Variants in CDH18 observed in about 807,000 individuals in gnomAD.
The protein encoded by CDH18 is cadherin 18, also known as cadherin-18.
A neutral mutation model predicts 67.9 loss-of-function variants in CDH18; 31 were observed. That is an observed-to-expected ratio of 0.46 (90% CI 0.34 to 0.62). The LOEUF (loss-of-function observed/expected upper bound fraction) is 0.62. Ranked by LOEUF, CDH18 falls within the 20% of genes least tolerant of loss-of-function variation. The probability of loss-of-function intolerance (pLI) is 0.01; values close to 1 mark genes in which losing one functional copy is unlikely to be tolerated. For synonymous variants in CDH18, 362 were observed against 347.2 expected (o/e 1.04, Z -0.48); for missense variants, 890 against 975.5 (o/e 0.91, Z 1.17).
chr5:19,530,241 C>T (rs1748379002), intron 9 of CDH18, among the ~76,000 whole-genome samples: 2 of 151,902 alleles, frequency 1.3e-5, no homozygotes, highest in South Asian at 4.1e-4. Flanking sequence ...GAAAATTAAA[C>T]TTGACTCTTA....
intron 3 of CDH18, among the ~76,000 whole-genome samples, chr5:19,812,767 C>A (rs867601853): frequency 6.6e-6 from 1 of 152,134 alleles, no homozygotes; most frequent in East Asian, 1.9e-4. Flanking sequence ...GTGGCGATTC[C>A]TCAAGGATCT....
chr5:20,526,060 G>A (rs1756034907), intron 1 of CDH18, among the ~76,000 whole-genome samples: 1 of 151,464 alleles, frequency 6.6e-6, no homozygotes, highest in Admixed American at 6.6e-5. Context: ...TGCAAGGGAG[G>A]CTGGGTTTTC....
chr5:19,545,112 G>C (rs2127092056), intron 8 of CDH18, among the ~76,000 whole-genome samples: 1 of 152,226 alleles, frequency 6.6e-6, no homozygotes, highest in Admixed American at 6.5e-5. Flanking sequence ...ACTATTTAAG[G>C]AGATAAATAT....
At chr5:19,478,480 A>C (rs1738868257) in intron 12 of CDH18, 1 of 152,194 alleles carries the variant, frequency 6.6e-6, no homozygotes, top group African/African-American at 2.4e-5. Context: ...CATTTGAAAT[A>C]GCTCAAATGA....
intron 2 of CDH18, among the ~76,000 whole-genome samples, chr5:20,237,560 TA>T (rs1344762617): frequency 2.0e-5 from 3 of 151,874 alleles, no homozygotes; most frequent in South Asian, 2.1e-4. Flanking sequence ...TTGCCATTTA[TA>T]ACGAAATTAA....
chr5:19,656,048 T>C (rs1361696658), intron 5 of CDH18, among the ~76,000 whole-genome samples: 3 of 150,876 alleles, frequency 2.0e-5, no homozygotes, highest in Non-Finnish European at 3.0e-5. Flanking sequence ...GTAAGGTCCT[T>C]AGTAATTGAA....
intron 1 of CDH18, among the ~76,000 whole-genome samples, chr5:20,484,616 C>T (rs751990940): frequency 6.6e-6 from 1 of 151,994 alleles, no homozygotes; most frequent in African/African-American, 2.4e-5. Flanking sequence ...AGAATGATGA[C>T]CTGTCATTTA....
chr5:19,708,530 T>A (rs1764253145), intron 5 of CDH18, among the ~76,000 whole-genome samples: 1 of 152,158 alleles, frequency 6.6e-6, no homozygotes, highest in Non-Finnish European at 1.5e-5. Context: ...ACAAAATCTC[T>A]GCAGCACTGT....
At chr5:19,811,159 A>AG (rs1561351940) in intron 3 of CDH18, among the ~76,000 whole-genome samples, 2 of 14,060 alleles carry the variant, frequency 1.4e-4, no homozygotes, top group Admixed American at 1.5e-3. Context: ...AGAAAGAAAG[A>AG]AGGAGAGAAA....
chr5:20,126,409 A>G (rs1748830769), intron 2 of CDH18, among the ~76,000 whole-genome samples: 1 of 152,172 alleles, frequency 6.6e-6, no homozygotes, highest in Admixed American at 6.5e-5. Flanking sequence ...CTTGGAAAAG[A>G]TTTCTTGGAT....
intron 11 of CDH18, among the ~76,000 whole-genome samples, chr5:19,487,004 G>A (rs1268106994): frequency 6.6e-6 from 1 of 152,114 alleles, no homozygotes; most frequent in Non-Finnish European, 1.5e-5. Flanking sequence ...GATGAAGACA[G>A]CAGATTATAG....
chr5:20,507,785 A>G lies in CDH18; in HGVS notation c.-580+67677T>C, dbSNP rs143621527. 1.8e-3 allele frequency among the ~76,000 whole-genome samples: 274 copies of G among 152,266 alleles called. 1 individual carries two copies. Among genetic ancestry groups the G allele is most frequent in the African/African-American group, 5.8e-3 (241 of 41,566 alleles). On this transcript the variant is annotated intron_variant, in intron 1 of 14. Transcript: ENST00000507958. Reference sequence around the variant, plus strand: ...AAGATAGATTTTCTCCCAAGGTTTAATGCTTACTGTGACTCTACATAAGGG... The same window carrying G: ...AAGATAGATTTTCTCCCAAGGTTTAGTGCTTACTGTGACTCTACATAAGGG...
chr5:19,762,013 T>C (rs1172600003), intron 3 of CDH18, among the ~76,000 whole-genome samples: 5 of 152,138 alleles, frequency 3.3e-5, no homozygotes, highest in African/African-American at 1.2e-4. Flanking sequence ...ATTTAATAAA[T>C]GGTGCTGGGA....
intron 1 of CDH18, among the ~76,000 whole-genome samples, chr5:20,539,458 A>G (rs1037278361): frequency 6.6e-6 from 1 of 152,132 alleles, no homozygotes; most frequent in African/African-American, 2.4e-5. Flanking sequence ...CTTACAAAAA[A>G]AGAGCTTTAT....
intron 3 of CDH18, among the ~76,000 whole-genome samples, chr5:19,781,813 G>GA (rs1353546520): frequency 1.3e-5 from 2 of 152,106 alleles, no homozygotes; most frequent in East Asian, 3.9e-4. Context: ...TGTCTTGAAT[G>GA]AAAAGTGAGA....
At chr5:19,549,145 A>G (rs184717) in intron 8 of CDH18, among the ~76,000 whole-genome samples, 130,080 of 152,206 alleles carry the variant, frequency 0.85, 55,863 homozygotes, top group Non-Finnish European at 0.91. Context: ...AATTCCCAAT[A>G]TTGGAGGTGA....
intron 2 of CDH18, among the ~76,000 whole-genome samples, chr5:19,968,406 A>C (rs913115102): frequency 5.9e-5 from 9 of 152,024 alleles, no homozygotes; most frequent in Non-Finnish European, 4.4e-5. Flanking sequence ...GCCAAAAGAA[A>C]AAAGCTGGAG....
chr5:19,896,280 C>G (rs1219166577), intron 2 of CDH18, among the ~76,000 whole-genome samples: 2 of 151,924 alleles, frequency 1.3e-5, no homozygotes, highest in African/African-American at 4.8e-5. Flanking sequence ...ACCCAAGAAG[C>G]GGAGGTTGCA....
At chr5:19,792,326 T>C (rs1347774516) in intron 3 of CDH18, among the ~76,000 whole-genome samples, 1 of 152,178 alleles carries the variant, frequency 6.6e-6, no homozygotes, top group Non-Finnish European at 1.5e-5. Context: ...TCCTGGTTGT[T>C]GAGCCTTCAG....
Sources: gnomAD v4.1 joint callset for allele counts (sites outside exome capture counted in the v4.1 genomes callset) on GRCh38, gnomAD v4.1.1 for gene constraint, MANE v1.5 for transcripts, NCBI Gene and HGNC (gene_info 2026-07-23, HGNC 2026-07-21) for gene names.